Variants in SCD5 observed in about 807,000 individuals in gnomAD.
SCD5 encodes stearoyl-CoA desaturase 5.
In SCD5, 20 loss-of-function variants were observed where a neutral mutation model predicts 30.4. That is an observed-to-expected ratio of 0.66 (90% CI 0.46 to 0.96). The LOEUF (loss-of-function observed/expected upper bound fraction) is 0.96, where lower values mean the gene tolerates loss of function less well. SCD5 is among the 40% of genes least tolerant of loss of function. SCD5 has a pLI of 0.00. For missense variants in SCD5, 381 were observed against 443.3 expected, an observed-to-expected ratio of 0.86 and a Z score of 1.26; for synonymous variants, 173 against 176.4, an observed-to-expected ratio of 0.98 and a Z score of 0.16.
At chr4:82,660,732 G>A in intron 3 of SCD5, 1 of 1,468,578 alleles carries the variant, frequency 6.8e-7, no homozygotes, top group Non-Finnish European at 9.0e-7. Flanking sequence ...TCAACTGATT[G>A]AATCAATAAA....
chr4:82,689,924 G>A (rs920901089), intron 2 of SCD5, among the ~76,000 whole-genome samples: 1 of 152,100 alleles, frequency 6.6e-6, no homozygotes, highest in African/African-American at 2.4e-5. Flanking sequence ...GTCTAATTAT[G>A]AAGTAACATG....
chr4:82,722,332 T>G (rs1222869231), intron 1 of SCD5, among the ~76,000 whole-genome samples: 1 of 152,248 alleles, frequency 6.6e-6, no homozygotes, highest in African/African-American at 2.4e-5. Flanking sequence ...TAGCCTCCTA[T>G]GTCAGCACTA....
chr4:82,710,365 T>C (rs568964833), intron 1 of SCD5, among the ~76,000 whole-genome samples: 6 of 152,256 alleles, frequency 3.9e-5, no homozygotes, highest in Non-Finnish European at 7.4e-5. Context: ...AAATGCAAAG[T>C]GACCCTCGGA....
chr4:82,675,383 T>G (rs1728414158), intron 3 of SCD5, among the ~76,000 whole-genome samples: 1 of 152,108 alleles, frequency 6.6e-6, no homozygotes, highest in East Asian at 1.9e-4. Context: ...AGACTAGAGA[T>G]AACAGACTAG....
intron 1 of SCD5, among the ~76,000 whole-genome samples, chr4:82,773,284 T>C (rs1721669208): frequency 6.6e-6 from 1 of 152,214 alleles, no homozygotes; most frequent in South Asian, 2.1e-4. Flanking sequence ...ACAAGGATTA[T>C]ATTGTTCAGC....
chr4:82,657,948 A>G (rs1318923814), intron 3 of SCD5, among the ~76,000 whole-genome samples: 1 of 152,204 alleles, frequency 6.6e-6, no homozygotes, highest in Admixed American at 6.5e-5. Context: ...TTGATTTTGT[A>G]TCCTGAAACA....
chr4:82,676,638 T>C (rs898974427), intron 3 of SCD5, among the ~76,000 whole-genome samples: 5 of 152,188 alleles, frequency 3.3e-5, no homozygotes, highest in African/African-American at 1.2e-4. Flanking sequence ...TAGGGAGGAA[T>C]CTAGGACCCT....
intron 2 of SCD5, among the ~76,000 whole-genome samples, chr4:82,699,579 T>G (rs1006779578): frequency 1.2e-4 from 18 of 149,402 alleles, no homozygotes; most frequent in East Asian, 5.9e-4. Flanking sequence ...TGTTTTTTTT[T>G]TTTTTTGAGA....
chr4:82,648,502 G>C (rs553154260), intron 3 of SCD5, among the ~76,000 whole-genome samples: 1 of 145,462 alleles, frequency 6.9e-6, no homozygotes, highest in Non-Finnish European at 1.5e-5. Flanking sequence ...CATGGCATGA[G>C]CATGATCTCG....
chr4:82,680,604 A>AGAAG, intron 3 of SCD5, 103 bp downstream of exon 3: 1 of 1,042,182 alleles, frequency 9.6e-7, no homozygotes, highest in East Asian at 2.4e-5. Flanking sequence ...TTGTTAGGGC[A>AGAAG]AATGCTTGAG....
chr4:82,739,721 GA>G (rs560681852), intron 1 of SCD5, among the ~76,000 whole-genome samples: 95 of 152,376 alleles, frequency 6.2e-4, no homozygotes, highest in Non-Finnish European at 9.8e-4. Flanking sequence ...GAAGCACGTA[GA>G]GTTAGACGCA....
At chr4:82,791,594 T>A (rs1186082889) in intron 1 of SCD5, among the ~76,000 whole-genome samples, 1 of 152,164 alleles carries the variant, frequency 6.6e-6, no homozygotes, top group Non-Finnish European at 1.5e-5. Context: ...ACATTTACTC[T>A]GTGCTGGCTT....
chr4:82,758,054 G>A (rs527880210), intron 1 of SCD5, among the ~76,000 whole-genome samples: 1 of 152,320 alleles, frequency 6.6e-6, no homozygotes, highest in East Asian at 1.9e-4. Context: ...GGGTTAGTGA[G>A]TGCATCTCTG....
In SCD5 at chr4:82,773,958, G is replaced by A. The variant is rs187362609; in HGVS notation, c.232+24348C>T. ...ACAAAAATTAGCCTGGCATGGTGGC[G>A]CATGCCTGTAATCCCAGCTACTCGG... On this transcript the variant is annotated intron_variant, in intron 1 of 4. Transcript: ENST00000319540. 7.2e-5 allele frequency among the ~76,000 whole-genome samples: 11 copies of A among 151,988 alleles called. No homozygotes were observed. The East Asian group carries it at 2.1e-3, about 29-fold the overall frequency.
chr4:82,774,572 G>A (rs538670425), intron 1 of SCD5, among the ~76,000 whole-genome samples: 1 of 152,132 alleles, frequency 6.6e-6, no homozygotes. Context: ...TTTATAAAAT[G>A]TAAGATAAAA....
chr4:82,778,216 G>A (rs958244337), intron 1 of SCD5, among the ~76,000 whole-genome samples: 1 of 152,064 alleles, frequency 6.6e-6, no homozygotes. Context: ...AGGGCCTGTT[G>A]GGGGATTGGG....
intron 3 of SCD5, among the ~76,000 whole-genome samples, chr4:82,650,459 C>A (rs1727728085): frequency 6.6e-6 from 1 of 152,118 alleles, no homozygotes. Context: ...CTTTGGGAGG[C>A]CAAAGGCCAG....
At chr4:82,705,792 C>T (rs183687924) in intron 1 of SCD5, among the ~76,000 whole-genome samples, 35 of 152,336 alleles carry the variant, frequency 2.3e-4, no homozygotes, top group Admixed American at 1.2e-3. Context: ...TTAATTGGCA[C>T]ACATGACAGG....
At chr4:82,780,740 A>G (rs1425366357) in intron 1 of SCD5, among the ~76,000 whole-genome samples, 1 of 152,262 alleles carries the variant, frequency 6.6e-6, no homozygotes, top group Non-Finnish European at 1.5e-5. Flanking sequence ...TCAGCTATTC[A>G]GCAAAAATTT....
Sources: allele counts gnomAD v4.1 joint callset (sites outside exome capture counted in the v4.1 genomes callset), GRCh38; gene constraint gnomAD v4.1.1; transcripts MANE v1.5; gene names NCBI Gene and HGNC (gene_info 2026-07-23, HGNC 2026-07-21).